The following FAM83B variants were observed in gnomAD, a reference collection of about 807,000 sequenced individuals.
FAM83B encodes scaffolding CK1 anchoring protein B.
Under a neutral mutation model 38.8 loss-of-function variants are expected in FAM83B, and 26 were observed. The observed-to-expected ratio is 0.67, with a 90% CI of 0.49 to 0.93. FAM83B has a LOEUF of 0.93. FAM83B is among the 40% of genes least tolerant of loss of function. FAM83B has a pLI of 0.00. For synonymous variants in FAM83B, 419 were observed against 423.1 expected (o/e 0.99, Z 0.12); for missense variants, 1,237 against 1,197.3 (o/e 1.03, Z -0.49).
At chr6:54,903,492 A>G (rs544070388) in intron 2 of FAM83B, among the ~76,000 whole-genome samples, 123 of 152,310 alleles carry the variant, frequency 8.1e-4, no homozygotes, top group African/African-American at 2.9e-3. Flanking sequence ...TCAATTTTTA[A>G]CAAAGATGAC....
rs1341137123 is a variant in FAM83B, at chr6:54,926,520, A to G, written c.594A>G (p.Ser198=). ...FLNMTEKQGC[S]VQRLRNIRVR... is the part of the protein sequence containing the mutation. ...ATATGACTGAGAAACAAGGTTGTTC[A>G]GTTCAGCGTCTCAGGGTAAGAATTC... is the stretch of plus-strand genomic sequence containing the variant. The change falls in exon 3 of 5, where the codon TCA becomes TCG. Residue 198 remains serine, a synonymous_variant. Coordinates refer to ENST00000306858, the MANE Select transcript of FAM83B (RefSeq NM_001010872.3). 1 of 1,584,010 alleles carries G rather than the reference A, an allele frequency of 6.3e-7. No homozygotes were observed. Among genetic ancestry groups the G allele is most frequent in the African/African-American group, 1.4e-5 (1 of 73,688 alleles).
intron 2 of FAM83B, among the ~76,000 whole-genome samples, chr6:54,912,979 A>T (rs1350304086): frequency 1.3e-5 from 2 of 152,092 alleles, no homozygotes; most frequent in African/African-American, 2.4e-5. Flanking sequence ...TGACTTGACT[A>T]TAACTACTTT....
intron 2 of FAM83B, among the ~76,000 whole-genome samples, chr6:54,899,473 T>C (rs962800363): frequency 1.3e-5 from 2 of 152,332 alleles, no homozygotes; most frequent in East Asian, 3.9e-4. Context: ...TGTCTTCATC[T>C]GTTCAGGACT....
intron 2 of FAM83B, among the ~76,000 whole-genome samples, chr6:54,891,991 C>T (rs1182989902): frequency 6.6e-6 from 1 of 152,034 alleles, no homozygotes; most frequent in Non-Finnish European, 1.5e-5. Context: ...CCATGTCTAC[C>T]TCCTTCTAAT....
rs777716768 is a variant in FAM83B at position 54,926,351 on chromosome 6, C to T, written c.445-20C>T. On this transcript the variant is annotated intron_variant, in intron 2 of 4. Transcript: ENST00000306858. ...CTCTATCAAGGATCTAAAATTGTTT[C>T]ATATTCTTATATTTAACAGGTCATT... 3.1e-5 allele frequency: 46 copies of T among 1,477,458 alleles called. No individual in the cohort carries two copies. Among genetic ancestry groups the T allele is most frequent in the Non-Finnish European group, 3.8e-5 (41 of 1,090,994 alleles). 91.5% of individuals were successfully genotyped at this position (1,477,458 alleles called of 1,614,324 possible).
At chr6:54,926,597 G>A (rs1276072075) in intron 3 of FAM83B, 62 bp downstream of exon 3, 4 of 1,299,172 alleles carry the variant, frequency 3.1e-6, no homozygotes, top group African/African-American at 3.0e-5. Context: ...TCAGTCAAAT[G>A]TAAGGCATCT....
chr6:54,927,468 C>A (rs1402684531), intron 3 of FAM83B, 40 bp from the exon 4 acceptor site: 1 of 1,440,490 alleles, frequency 6.9e-7, no homozygotes, highest in South Asian at 1.7e-5. Flanking sequence ...TATTCTTTTC[C>A]TAGCCATAAT....
chr6:54,870,144 C>A lies in FAM83B; in HGVS notation c.-60-43C>A. On this transcript the variant is annotated intron_variant, in intron 1 of 4. Coordinates refer to ENST00000306858, the MANE Select transcript of FAM83B (RefSeq NM_001010872.3). Reference sequence around the variant, plus strand: ...TATGTATCATAAAACATTCTGTTACCGAATTTTAACTTGATCTTGATTTTC... The same window carrying A: ...TATGTATCATAAAACATTCTGTTACAGAATTTTAACTTGATCTTGATTTTC... 6 of 884,916 alleles carry A rather than the reference C, an allele frequency of 6.8e-6. No homozygotes were observed. The South Asian group carries it at 6.9e-5, about 10-fold the overall frequency. 54.8% of individuals were successfully genotyped at this position (884,916 alleles called of 1,614,324 possible). A position where few individuals can be genotyped will look rare whatever the true frequency, so the allele number is the denominator to read the frequency against.
chr6:54,848,946 A>T (rs1226595060), intron 1 of FAM83B, among the ~76,000 whole-genome samples: 1 of 152,182 alleles, frequency 6.6e-6, no homozygotes, highest in Non-Finnish European at 1.5e-5. Flanking sequence ...TAAGTTGCAA[A>T]ATGTGAATGT....
chr6:54,882,317 G>A (rs1772151498), intron 2 of FAM83B, among the ~76,000 whole-genome samples: 2 of 152,162 alleles, frequency 1.3e-5, no homozygotes, highest in South Asian at 2.1e-4. Flanking sequence ...AATGCTATGT[G>A]CCAGGCAGTG....
At chr6:54,882,187 A>C (rs902705162) in intron 2 of FAM83B, among the ~76,000 whole-genome samples, 1 of 152,176 alleles carries the variant, frequency 6.6e-6, no homozygotes, top group East Asian at 1.9e-4. Context: ...GGTTGGTTCC[A>C]AGTCTTTGCT....
At chr6:54,868,957 T>C (rs1208822824) in intron 1 of FAM83B, among the ~76,000 whole-genome samples, 1 of 152,178 alleles carries the variant, frequency 6.6e-6, no homozygotes, top group Non-Finnish European at 1.5e-5. Flanking sequence ...TTTTTAATGC[T>C]TATAGCACAT....
At chr6:54,896,254 C>T (rs1442229626) in intron 2 of FAM83B, among the ~76,000 whole-genome samples, 3 of 152,172 alleles carry the variant, frequency 2.0e-5, no homozygotes, top group African/African-American at 7.2e-5. Context: ...ATCTCATCAA[C>T]TGATTATACC....
At chr6:54,899,891 A>C (rs2127582030) in intron 2 of FAM83B, among the ~76,000 whole-genome samples, 1 of 152,266 alleles carries the variant, frequency 6.6e-6, no homozygotes, top group South Asian at 2.1e-4. Context: ...TTCTGACTGA[A>C]GGTAAGTTGC....
intron 2 of FAM83B, among the ~76,000 whole-genome samples, chr6:54,904,231 G>C (rs1486634497): frequency 6.6e-6 from 1 of 152,142 alleles, no homozygotes; most frequent in East Asian, 1.9e-4. Context: ...GGTTTTTAAT[G>C]TTGCTAGAGA....
At chr6:54,852,458 A>C (rs954299459) in intron 1 of FAM83B, among the ~76,000 whole-genome samples, 1 of 152,066 alleles carries the variant, frequency 6.6e-6, no homozygotes, top group African/African-American at 2.4e-5. Flanking sequence ...TTAATCTATA[A>C]ATGTTGTGTG....
chr6:54,925,929 C>G (rs928130438), intron 2 of FAM83B, among the ~76,000 whole-genome samples: 3 of 152,100 alleles, frequency 2.0e-5, no homozygotes, highest in Non-Finnish European at 4.4e-5. Flanking sequence ...ATTTCTATTT[C>G]TAGAATATTT....
intron 4 of FAM83B, among the ~76,000 whole-genome samples, chr6:54,932,164 C>T (rs1045090844): frequency 1.3e-5 from 2 of 151,988 alleles, no homozygotes; most frequent in African/African-American, 4.8e-5. Flanking sequence ...GTGTGCACCA[C>T]CACGCCTGGG....
intron 2 of FAM83B, among the ~76,000 whole-genome samples, chr6:54,883,522 G>C (rs569760090): frequency 1.3e-5 from 2 of 150,842 alleles, no homozygotes; most frequent in African/African-American, 4.9e-5. Context: ...TTTTAGTAGA[G>C]ACGGGGGTTC....
Sources: gnomAD v4.1 joint callset for allele counts (sites outside exome capture counted in the v4.1 genomes callset) on GRCh38, gnomAD v4.1.1 for gene constraint, MANE v1.5 for transcripts, NCBI Gene and HGNC (gene_info 2026-07-23, HGNC 2026-07-21) for gene names.